The following USP9X variants were observed in gnomAD, a reference collection of about 807,000 sequenced individuals.
USP9X encodes ubiquitin specific peptidase 9 X-linked.
In USP9X, 7 loss-of-function variants were observed where a neutral mutation model predicts 190.3. The ratio of observed to expected loss-of-function variants is 0.04; its 90% CI spans 0.02 to 0.07. The LOEUF is 0.07. Among genes scored for constraint, USP9X ranks in the 10% least tolerant of loss-of-function variants. The pLI is 1.00. For synonymous variants in USP9X, 645 were observed against 659.5 expected, an observed-to-expected ratio of 0.98 and a Z score of 0.34; for missense variants, 1,010 against 1,916.9, an observed-to-expected ratio of 0.53 and a Z score of 8.83.
intron 1 of USP9X, among the ~76,000 whole-genome samples, chrX:41,106,887 C>CTTTT (rs60809399): frequency 2.5e-5 from 2 of 79,990 alleles, no homozygotes; most frequent in Non-Finnish European, 5.0e-5. Flanking sequence ...CTTTTCTTTT[C>CTTTT]TTTTTTTTTT....
At chrX:41,193,969 C>T (rs2062960194) in intron 26 of USP9X, among the ~76,000 whole-genome samples, 1 of 112,052 alleles carries the variant, frequency 8.9e-6, no homozygotes, top group African/African-American at 3.2e-5. Flanking sequence ...TATTGCCCCT[C>T]ATATTTGGGC....
intron 26 of USP9X, among the ~76,000 whole-genome samples, chrX:41,195,237 A>G (rs1447563068): frequency 9.0e-6 from 1 of 110,509 alleles, no homozygotes; most frequent in African/African-American, 3.3e-5. Flanking sequence ...GGGTTTCACC[A>G]TGTTGGCTAG....
chrX:41,144,421 G>A, intron 10 of USP9X, 101 bp from the exon 11 acceptor site: 1 of 654,102 alleles, frequency 1.5e-6, no homozygotes. Context: ...GTTAAATGAA[G>A]GAGATAGGAG....
chrX:41,225,170 G>A (rs1427928907), intron 41 of USP9X, 33 bp downstream of exon 41: 3 of 1,167,761 alleles, frequency 2.6e-6, no homozygotes, highest in Admixed American at 2.2e-5. Flanking sequence ...GAAACAATTA[G>A]GCTTGCCCAG....
chrX:41,205,992 G>A (rs1602032600), intron 32 of USP9X, among the ~76,000 whole-genome samples: 1 of 105,547 alleles, frequency 9.5e-6, no homozygotes, highest in South Asian at 4.3e-4. Context: ...CCAGATTCAA[G>A]TGATTCTCCT....
chrX:41,088,941 T>C (rs977357877), intron 1 of USP9X, among the ~76,000 whole-genome samples: 1 of 108,817 alleles, frequency 9.2e-6, no homozygotes, highest in Admixed American at 1.0e-4. Flanking sequence ...TGACTGGACA[T>C]GAGAATCACT....
Position 41,136,810 on chromosome X carries a change from A to G in USP9X, c.442A>G (p.Ile148Val). 1 of 1,207,331 alleles carries G rather than the reference A, an allele frequency of 8.3e-7. No individual in the cohort carries two copies. Among genetic ancestry groups the G allele is most frequent in the Non-Finnish European group, 1.1e-6 (1 of 891,684 alleles). ...SGWKFEIHRC[I>V]INNTHRLVEL... Reference sequence around the variant, plus strand: ...TTTCCCCCTTGTATAACAGAGGTGTATTATTAACAATACTCATCGTCTGGT... The same window carrying G: ...TTTCCCCCTTGTATAACAGAGGTGTGTTATTAACAATACTCATCGTCTGGT... The change falls in exon 6 of 45, where the codon ATT becomes GTT. Residue 148 changes from isoleucine (I) to valine (V), a missense_variant. Ile to Val is a conservative substitution (Grantham distance 29). Transcript: ENST00000378308.
chrX:41,175,793 A>T, intron 21 of USP9X, among the ~76,000 whole-genome samples: 1 of 110,458 alleles, frequency 9.1e-6, no homozygotes, highest in Middle Eastern at 4.7e-3. Flanking sequence ...ACATGAATAT[A>T]TATATGTGTG....
In USP9X at chrX:41,230,148, C is replaced by T. The variant is rs147646617; in HGVS notation, c.7432-353C>T. On this transcript the variant is annotated intron_variant, in intron 43 of 44. Coordinates refer to ENST00000378308, the MANE Select transcript of USP9X (RefSeq NM_001039591.3). Reference sequence around the variant, plus strand: ...CCCAGGAGGCACAGATTGCAGTGAGCGGAGATCGTGCCAGTGGGCTCCAGC... The same window carrying T: ...CCCAGGAGGCACAGATTGCAGTGAGTGGAGATCGTGCCAGTGGGCTCCAGC... Among the ~76,000 whole-genome samples, 517 of 111,475 alleles carry T rather than the reference C, an allele frequency of 4.6e-3. 1 individual carries two copies. Among genetic ancestry groups the T allele is most frequent in the Non-Finnish European group, 7.0e-3 (373 of 53,074 alleles).
rs1006300374 is a variant in USP9X, at chrX:41,217,480, G to A, written c.6209+137G>A. Reference sequence around the variant, plus strand: ...AGAATAAAAACTCTGGGTCACAATAGAGAAATCATATTAAAATAGTTACTT... The same window carrying A: ...AGAATAAAAACTCTGGGTCACAATAAAGAAATCATATTAAAATAGTTACTT... On this transcript the variant is annotated intron_variant, in intron 36 of 44. Coordinates refer to ENST00000378308, the MANE Select transcript of USP9X (RefSeq NM_001039591.3). The A allele has an allele frequency of 1.4e-4, 101 of 712,606 alleles. No individual in the cohort carries two copies. The African/African-American group carries it at 2.1e-3, about 15-fold the overall frequency. The allele number at this position is 712,606 out of a possible 1,213,427, so 58.7% of individuals were successfully genotyped here.
intron 1 of USP9X, among the ~76,000 whole-genome samples, chrX:41,114,043 G>A (rs1384739736): frequency 8.9e-6 from 1 of 112,525 alleles, no homozygotes; most frequent in African/African-American, 3.2e-5. Flanking sequence ...TTTTGCTACT[G>A]CGATGAGTTT....
intron 33 of USP9X, 38 bp downstream of exon 33, chrX:41,210,720 C>A: frequency 1.7e-6 from 2 of 1,154,189 alleles, no homozygotes; most frequent in Non-Finnish European, 2.3e-6. Flanking sequence ...TATGTTGTAC[C>A]ATGTATATAC....
Position 41,189,365 on chromosome X carries a change from G to A in USP9X, c.3867G>A (p.Leu1289=). Reference sequence around the variant, plus strand: ...ACGAACAGGTTTGCTGTGAAGCATTGGAAGTGATGACCTTATGTTTTGCCT... The same window carrying A: ...ACGAACAGGTTTGCTGTGAAGCATTAGAAGTGATGACCTTATGTTTTGCCT... ...LEDEQVCCEA[L]EVMTLCFALI... is the part of the protein sequence containing the mutation. The change falls in exon 26 of 45, where the codon TTG becomes TTA. Residue 1289 remains leucine, a synonymous_variant. Transcript: ENST00000378308. The A allele has an allele frequency of 8.3e-7, 1 of 1,211,479 alleles. No homozygotes were observed. The highest frequency in any genetic ancestry group is 1.1e-6 in the Non-Finnish European group (1 of 895,015).
chrX:41,209,133 T>C (rs1488980911), intron 32 of USP9X, among the ~76,000 whole-genome samples: 1 of 112,033 alleles, frequency 8.9e-6, no homozygotes, highest in African/African-American at 3.2e-5. Context: ...GATACAGTTA[T>C]ATCCAAGTAA....
rs1329177083 is a variant in USP9X at position 41,235,307 on chromosome X, A to T, written c.*2783A>T. 1.8e-5 allele frequency: 2 copies of T among 113,149 alleles called. No homozygotes were observed. Among genetic ancestry groups the T allele is most frequent in the Non-Finnish European group, 3.7e-5 (2 of 53,394 alleles). The allele number at this position is 113,149 out of a possible 1,213,427, so 9.3% of individuals were successfully genotyped here. On this transcript the variant is annotated 3_prime_UTR_variant, in exon 45 of 45. Transcript: ENST00000378308. ...ATTTAAAGATGCATGTTGTTGCAAG[A>T]GCAACATAATGGTGATTTTGAGGTC...
intron 30 of USP9X, among the ~76,000 whole-genome samples, chrX:41,200,597 A>G (rs2063033332): frequency 8.9e-6 from 1 of 112,430 alleles, no homozygotes; most frequent in Non-Finnish European, 1.9e-5. Context: ...AGTGGTAAGC[A>G]TCAGAACCAG....
intron 23 of USP9X, among the ~76,000 whole-genome samples, chrX:41,185,871 G>A (rs1459528068): frequency 2.7e-5 from 3 of 110,963 alleles, no homozygotes; most frequent in African/African-American, 9.8e-5. Context: ...CGAGCTCACA[G>A]TAGGGAGCCC....
chrX:41,141,568 A>G, intron 9 of USP9X, 137 bp downstream of exon 9: 1 of 641,355 alleles, frequency 1.6e-6, no homozygotes, highest in South Asian at 7.1e-5. Context: ...TTGATTTATA[A>G]CTCTGTTAAT....
chrX:41,117,851 G>A (rs1398870691), intron 1 of USP9X, among the ~76,000 whole-genome samples: 3 of 107,310 alleles, frequency 2.8e-5, no homozygotes, highest in Admixed American at 1.0e-4. Context: ...GAGCCACCAC[G>A]CCCGGCCCTT....
Sources: allele counts gnomAD v4.1 joint callset (sites outside exome capture counted in the v4.1 genomes callset), GRCh38; gene constraint gnomAD v4.1.1; transcripts MANE v1.5; gene names NCBI Gene and HGNC (gene_info 2026-07-23, HGNC 2026-07-21).